The following AMZ1 variants were observed in gnomAD, a reference collection of about 807,000 sequenced individuals.
AMZ1 encodes archaelysin family metallopeptidase 1.
A neutral mutation model predicts 29.9 loss-of-function variants in AMZ1; 39 were observed. That is an observed-to-expected ratio of 1.30 (90% CI 1.01 to 1.70). The LOEUF is 1.70. AMZ1 is among the 40% of genes most tolerant of loss of function. The probability of loss-of-function intolerance (pLI) is 0.00; values close to 1 mark genes in which losing one functional copy is unlikely to be tolerated. For missense variants in AMZ1, 1,041 were observed against 680.6 expected (o/e 1.53, Z -5.89); for synonymous variants, 458 against 304.0 (o/e 1.51, Z -5.27).
chr7:2,731,798 C>G lies in AMZ1; in HGVS notation n.550+21982C>G, dbSNP rs761117102. On this transcript the variant is annotated intron_variant and non_coding_transcript_variant, in intron 4 of 4. Coordinates refer to the AMZ1 transcript ENST00000489665. This position sits in a 1 kb window ranked among gnomAD's most constrained non-coding sequence, Gnocchi z 6.0. ...GAAATTTAGGGGGAGGAAGAAAGAA[C>G]AGAGAAAATAGAAACAAAAAGATGG... 1.6e-5 allele frequency: 16 copies of G among 986,464 alleles called. No individual in the cohort carries two copies. The highest frequency in any genetic ancestry group is 9.7e-5 in the African/African-American group (6 of 62,162). The allele number at this position is 986,464 out of a possible 1,614,324, so 61.1% of individuals were successfully genotyped here.
intron 4 of AMZ1, among the ~76,000 whole-genome samples, chr7:2,726,653 AG>A (rs1347590567): frequency 3.9e-5 from 6 of 152,192 alleles, no homozygotes; most frequent in Admixed American, 3.3e-4. Context: ...GGTCAGTTCA[AG>A]CCCCCACCAG....
chr7:2,690,199 G>T (rs1270787490), intron 1 of AMZ1, among the ~76,000 whole-genome samples: 1 of 151,994 alleles, frequency 6.6e-6, no homozygotes, highest in African/African-American at 2.4e-5. Flanking sequence ...CTGTGTTTTT[G>T]TGTGTGTGTG....
chr7:2,707,175 AGGCAGGAGAAT>A (rs1788402695), intron 3 of AMZ1, among the ~76,000 whole-genome samples: 1 of 152,024 alleles, frequency 6.6e-6, no homozygotes, highest in African/African-American at 2.4e-5. Context: ...CAGGAAGCTG[AGGCAGGAGAAT>A]GGCTTGAACC....
intron 4 of AMZ1, among the ~76,000 whole-genome samples, chr7:2,755,641 C>G (rs1180351815): frequency 6.6e-6 from 1 of 152,194 alleles, no homozygotes; most frequent in Non-Finnish European, 1.5e-5. Context: ...TATGACTTTT[C>G]TGGTAGATTC....
chr7:2,695,682 G>A (rs1024520784), intron 1 of AMZ1, among the ~76,000 whole-genome samples: 1 of 151,924 alleles, frequency 6.6e-6, no homozygotes, highest in African/African-American at 2.4e-5. Context: ...CAGCACTCCA[G>A]CCTGGGCAAA....
intron 4 of AMZ1, among the ~76,000 whole-genome samples, chr7:2,725,413 C>T (rs1003285830): frequency 6.6e-6 from 1 of 152,212 alleles, no homozygotes; most frequent in Non-Finnish European, 1.5e-5. Context: ...AGCTTCCACC[C>T]GAGGAGATGC....
chr7:2,710,532 G>A (rs549226016), intron 6 of AMZ1, among the ~76,000 whole-genome samples: 35 of 152,276 alleles, frequency 2.3e-4, no homozygotes, highest in African/African-American at 6.3e-4. Context: ...TTCCCGGACC[G>A]AGCCTGTCAG....
At chr7:2,703,285 A>C (rs1352036377) in intron 3 of AMZ1, among the ~76,000 whole-genome samples, 1 of 152,050 alleles carries the variant, frequency 6.6e-6, no homozygotes, top group Non-Finnish European at 1.5e-5. Flanking sequence ...CTGGGACTAA[A>C]AGCGCCCACC....
At position 2,714,398 on chromosome 7, in the gene AMZ1, G is replaced by C. The variant is rs766128954; in HGVS notation, c.*1520G>C. 2.0e-5 allele frequency: 3 copies of C among 152,352 alleles called. No homozygotes were observed. Among genetic ancestry groups the C allele is most frequent in the Non-Finnish European group, 4.4e-5 (3 of 68,050 alleles). 9.4% of individuals were successfully genotyped at this position (152,352 alleles called of 1,614,324 possible). A position where few individuals can be genotyped will look rare whatever the true frequency, so the allele number is the denominator to read the frequency against. On this transcript the variant is annotated 3_prime_UTR_variant, in exon 7 of 7. Transcript: ENST00000683327. ...AGGCTCCCGGTCCTGGTCCCACTCCGTGTTGACTTCAGAGAAGCAAAGATG... is the reference window on the plus strand; with the variant it reads ...AGGCTCCCGGTCCTGGTCCCACTCCCTGTTGACTTCAGAGAAGCAAAGATG...
chr7:2,684,242 C>T (rs113454830), upstream of AMZ1, among the ~76,000 whole-genome samples: 2,392 of 152,214 alleles, frequency 0.016, 52 homozygotes, highest in African/African-American at 0.055. Flanking sequence ...CTCTTTCTGT[C>T]TCTTACAAAG....
intron 4 of AMZ1, among the ~76,000 whole-genome samples, chr7:2,725,928 C>T (rs1562385662): frequency 8.5e-6 from 1 of 117,042 alleles, no homozygotes; most frequent in Non-Finnish European, 1.8e-5. Context: ...CGCTGCAGTC[C>T]CCCCACCGAC....
chr7:2,711,742 TATTTA>T (rs902484691), intron 6 of AMZ1, among the ~76,000 whole-genome samples: 1 of 152,186 alleles, frequency 6.6e-6, no homozygotes, highest in Non-Finnish European at 1.5e-5. Context: ...TTTTAAATTT[TATTTA>T]ATTATACGCT....
In AMZ1 at chr7:2,716,311, C is replaced by T. The variant is rs930191107; in HGVS notation, c.*3433C>T. ...TCCCTCTCTTCCTCCCCAAAAAGCC[C>T]AAACTCATTGTCAGAGTGGGGAGAG... On this transcript the variant is annotated 3_prime_UTR_variant, in exon 7 of 7. Transcript: ENST00000683327. The T allele has an allele frequency of 8.5e-5, 13 of 152,224 alleles. No individual in the cohort carries two copies. The highest frequency in any genetic ancestry group is 3.1e-4 in the African/African-American group (13 of 41,430). 9.4% of individuals were successfully genotyped at this position (152,224 alleles called of 1,614,324 possible).
At chr7:2,720,160 G>A (rs1256156831), downstream of AMZ1, among the ~76,000 whole-genome samples, 9 of 152,238 alleles carry the variant, frequency 5.9e-5, no homozygotes, top group Non-Finnish European at 1.2e-4. Context: ...CGTGCAAAGC[G>A]CGGCTCCCCT....
downstream of AMZ1, among the ~76,000 whole-genome samples, chr7:2,721,715 CA>C (rs35321742): frequency 0.28 from 35,349 of 124,880 alleles, 4,547 homozygotes; most frequent in Admixed American, 0.33. Context: ...GACTACGTCT[CA>C]AAAAAAAAAA....
chr7:2,714,846 A>G lies in AMZ1; in HGVS notation c.*1968A>G, dbSNP rs1371844111. On this transcript the variant is annotated 3_prime_UTR_variant, in exon 7 of 7. Transcript: ENST00000683327. The stretch of plus-strand genomic sequence containing the variant: ...AGCTGCCATACCGTGAGGAAACCCG[A>G]CAAACAGGGCAGCCAGAGCCAGACA... The G allele has an allele frequency of 6.6e-6, 1 of 152,258 alleles. No homozygotes were observed. The highest frequency in any genetic ancestry group is 2.4e-5 in the African/African-American group (1 of 41,404). 9.4% of individuals were successfully genotyped at this position (152,258 alleles called of 1,614,324 possible).
upstream of AMZ1, among the ~76,000 whole-genome samples, chr7:2,684,902 CTCTGT>C (rs1207567031): frequency 5.5e-5 from 8 of 145,410 alleles, no homozygotes; most frequent in South Asian, 1.8e-3. Context: ...GAGACGGAGT[CTCTGT>C]CGCCCAGGCT....
rs200756903 is a variant in AMZ1, at chr7:2,731,258, C to T, written n.550+21442C>T. 92 of 1,613,754 alleles carry T rather than the reference C, an allele frequency of 5.7e-5. No homozygotes were observed. The highest frequency in any genetic ancestry group is 6.7e-5 in the African/African-American group (5 of 74,880). ...GCATGGAACACGAAGCGGACGTTCT[C>T]GGTGTCGATGGCGGTGGTGAAGTGG... is the stretch of plus-strand genomic sequence containing the variant. On this transcript the variant is annotated intron_variant and non_coding_transcript_variant, in intron 4 of 4. Transcript: ENST00000489665. This position sits in a 1 kb window ranked among gnomAD's most constrained non-coding sequence, Gnocchi z 6.0.
intron 2 of AMZ1, chr7:2,702,085 T>TCCTGGCC (rs1788086525): frequency 6.6e-6 from 1 of 152,546 alleles, no homozygotes; most frequent in South Asian, 2.1e-4. Flanking sequence ...GGCAGCTGAT[T>TCCTGGCC]TCTCACTGGT....
Sources: allele counts gnomAD v4.1 joint callset (sites outside exome capture counted in the v4.1 genomes callset), GRCh38; gene constraint gnomAD v4.1.1; non-coding constraint Gnocchi (gnomAD v3.1); transcripts MANE v1.5; gene names NCBI Gene and HGNC (gene_info 2026-07-23, HGNC 2026-07-21).